Variants in RARS1 observed in about 807,000 individuals in gnomAD.
RARS1 encodes the protein arginyl-tRNA synthetase 1, also known as arginine--tRNA ligase, cytoplasmic.
In RARS1, 75 loss-of-function variants were observed where a neutral mutation model predicts 78.7. The ratio of observed to expected loss-of-function variants is 0.95; its 90% CI spans 0.79 to 1.15. RARS1 has a LOEUF of 1.15. Among genes scored for constraint, RARS1 ranks in the 50% most tolerant of loss-of-function variants. RARS1 has a pLI of 0.00. For missense variants in RARS1, 787 were observed against 787.5 expected (o/e 1.00, Z 0.01); for synonymous variants, 273 against 268.2 (o/e 1.02, Z -0.18).
intron 11 of RARS1, among the ~76,000 whole-genome samples, chr5:168,509,218 A>C (rs1282694245): frequency 6.6e-6 from 1 of 152,202 alleles, no homozygotes; most frequent in African/African-American, 2.4e-5. Context: ...AACACTTAAG[A>C]AGAAGTGTAT....
At chr5:168,499,743 A>G (rs1440370644) in intron 7 of RARS1, among the ~76,000 whole-genome samples, 1 of 152,164 alleles carries the variant, frequency 6.6e-6, no homozygotes, top group Non-Finnish European at 1.5e-5. Context: ...TTCATAAAAC[A>G]TATATGTGTA....
chr5:168,495,374 G>T lies in RARS1; in HGVS notation c.639G>T (p.Arg213Ser). Reference sequence around the variant, plus strand: ...AAGAGATGCATGTAGGCCACCTGAGGTCAACTATCATAGGAGAGAGTATAA... The same window carrying T: ...AAGAGATGCATGTAGGCCACCTGAGTTCAACTATCATAGGAGAGAGTATAA... ...IAKEMHVGHLRSTIIGESISR... is the reference protein window; with the variant it reads ...IAKEMHVGHLSSTIIGESISR... Residue 213 changes from arginine (R) to serine (S), a missense_variant, in exon 6 of 15, where the codon AGG becomes AGT. Transcript: ENST00000231572. 6.2e-7 allele frequency: 1 copy of T among 1,614,026 alleles called. No homozygotes were observed. The highest frequency in any genetic ancestry group is 8.5e-7 in the Non-Finnish European group (1 of 1,179,958).
rs374283080 is a variant in RARS1, at chr5:168,494,668, T to C, written c.579+18T>C. 2 of 1,459,328 alleles carry C rather than the reference T, an allele frequency of 1.4e-6. No individual in the cohort carries two copies. Among genetic ancestry groups the C allele is most frequent in the African/African-American group, 1.4e-5 (1 of 71,584 alleles). The allele number at this position is 1,459,328 out of a possible 1,614,324, so 90.4% of individuals were successfully genotyped here. ...ATAAAAAGGTATATGTACACTCTTC[T>C]ATTAATATATTAGTATCTTAGAACT... On this transcript the variant is annotated intron_variant, in intron 5 of 14. Transcript: ENST00000231572.
At position 168,517,855 on chromosome 5, in the gene RARS1, CA is replaced by C; in HGVS notation, c.1671del (p.Ala558LeufsTer17). On this transcript the variant is annotated frameshift_variant, in exon 14 of 15. Coordinates refer to ENST00000231572, the MANE Select transcript of RARS1 (RefSeq NM_002887.4). LOFTEE classifies it high-confidence loss of function. ...GGCCAATATTGATGAAGAAATGCTC[CA>C]AAAAGCTGCTCGAGAAACCAAGATT... ...RLANIDEEML[Q>X]KAARETKILL... 1 of 1,613,554 alleles carries C rather than the reference CA, an allele frequency of 6.2e-7. No homozygotes were observed. Among genetic ancestry groups the C allele is most frequent in the East Asian group, 2.2e-5 (1 of 44,836 alleles).
chr5:168,517,588 A>T (rs1362248914), intron 13 of RARS1, among the ~76,000 whole-genome samples: 2 of 152,202 alleles, frequency 1.3e-5, no homozygotes, highest in Non-Finnish European at 2.9e-5. Context: ...ATGTTTAAAT[A>T]CCTAGAAAGT....
Position 168,510,626 on chromosome 5 carries a change from TC to T in RARS1, c.1393del (p.Leu465PhefsTer6), listed in dbSNP as rs1257636782. ...RSGETVRLMD[L>X]LGEGLKRSMD... ...CGGGTGAAACAGTGCGCCTCATGGA[TC>T]TTCTGGGAGAAGGACTAAAACGATC... On this transcript the variant is annotated frameshift_variant, in exon 12 of 15. Transcript: ENST00000231572. LOFTEE classifies it high-confidence loss of function. The T allele has an allele frequency of 6.2e-7, 1 of 1,611,098 alleles. No homozygotes were observed. Among genetic ancestry groups the T allele is most frequent in the Non-Finnish European group, 8.5e-7 (1 of 1,179,318 alleles).
Position 168,502,151 on chromosome 5 carries a change from T to G in RARS1, c.1057+46T>G, listed in dbSNP as rs554197077. 65 of 1,567,904 alleles carry G rather than the reference T, an allele frequency of 4.1e-5. 2 individuals carry two copies. In the South Asian group the frequency reaches 7.0e-4, roughly 17 times the overall value. ...TTTTTATTATGGAAATTTTCAAACATAGGCAAAAGTGGATAGAATTTATAG... is the reference window on the plus strand; with the variant it reads ...TTTTTATTATGGAAATTTTCAAACAGAGGCAAAAGTGGATAGAATTTATAG... On this transcript the variant is annotated intron_variant, in intron 9 of 14. Transcript: ENST00000231572.
intron 5 of RARS1, chr5:168,494,896 T>C: frequency 2.5e-6 from 1 of 403,402 alleles, no homozygotes. Context: ...TGGAAAGTGC[T>C]GAAACCGGGA....
At chr5:168,494,428 A>G (rs1236789393) in intron 4 of RARS1, 122 bp from the exon 5 acceptor site, 9 of 1,498,896 alleles carry the variant, frequency 6.0e-6, no homozygotes, top group African/African-American at 5.6e-5. Flanking sequence ...CAAGGCCACA[A>G]CTGGTATTGG....
intron 5 of RARS1, 191 bp downstream of exon 5, chr5:168,494,841 TC>T: frequency 2.1e-6 from 1 of 479,812 alleles, no homozygotes; most frequent in Non-Finnish European, 3.6e-6. Context: ...CTGGGCAGTA[TC>T]ATGAGACTTC....
chr5:168,494,495 G>A (rs1044443201), intron 4 of RARS1, 55 bp from the exon 5 acceptor site: 68 of 1,597,308 alleles, frequency 4.3e-5, no homozygotes, highest in South Asian at 5.6e-5. Context: ...CCTTAGGAGC[G>A]AGTGATTATT....
At chr5:168,501,257 G>A (rs1163365726) in intron 8 of RARS1, among the ~76,000 whole-genome samples, 1 of 152,124 alleles carries the variant, frequency 6.6e-6, no homozygotes, top group Non-Finnish European at 1.5e-5. Flanking sequence ...GCAGCACTAG[G>A]TAATAAAATG....
Position 168,492,737 on chromosome 5 carries a change from G to A in RARS1, c.259G>A (p.Ala87Thr). The change falls in exon 3 of 15, where the codon GCA (alanine) becomes ACA (threonine). Residue 87 changes from alanine to threonine, a missense_variant. Physicochemically the swap from Ala to Thr is moderately conservative, Grantham distance 58. Transcript: ENST00000231572. Reference sequence around the variant, plus strand: ...CCGCCTACAAGAGGTCTTTGGTCATGCAATTAAGGCTGCATATCCAGATTT... The same window carrying A: ...CCGCCTACAAGAGGTCTTTGGTCATACAATTAAGGCTGCATATCCAGATTT... ...ISRLQEVFGH[A>T]IKAAYPDLEN... 1 of 1,613,128 alleles carries A rather than the reference G, an allele frequency of 6.2e-7. No individual in the cohort carries two copies.
chr5:168,510,203 A>C (rs1450438204), intron 11 of RARS1, among the ~76,000 whole-genome samples: 1 of 152,228 alleles, frequency 6.6e-6, no homozygotes. Flanking sequence ...TGAAACATCT[A>C]AGCCAAACTT....
chr5:168,496,295 C>T (rs1188721859), intron 6 of RARS1, among the ~76,000 whole-genome samples: 1 of 150,012 alleles, frequency 6.7e-6, no homozygotes, highest in East Asian at 2.1e-4. Context: ...AGGAGAATTG[C>T]TTGAACCTGG....
intron 12 of RARS1, among the ~76,000 whole-genome samples, chr5:168,513,312 G>A (rs775099890): frequency 8.2e-5 from 12 of 146,526 alleles, no homozygotes; most frequent in Admixed American, 2.1e-4. Context: ...CCCTGCCACC[G>A]TGCCCGGCCT....
intron 11 of RARS1, among the ~76,000 whole-genome samples, chr5:168,508,075 A>T (rs1193612756): frequency 6.6e-6 from 1 of 152,172 alleles, no homozygotes; most frequent in Non-Finnish European, 1.5e-5. Flanking sequence ...TATAGTGTTT[A>T]TGGACATAAA....
At chr5:168,517,721 C>G (rs1758700252) in intron 13 of RARS1, 94 bp from the exon 14 acceptor site, 15 of 1,385,934 alleles carry the variant, frequency 1.1e-5, no homozygotes, top group South Asian at 8.8e-5. Context: ...ATAGGAACTT[C>G]TTTTTAATCG....
At position 168,518,590 on chromosome 5, in the gene RARS1, A is replaced by G. The variant is rs112866258; in HGVS notation, c.1874-491A>G. Among the ~76,000 whole-genome samples, 432 of 152,244 alleles carry G rather than the reference A, an allele frequency of 2.8e-3. 2 individuals carry two copies. Among genetic ancestry groups the G allele is most frequent in the African/African-American group, 9.3e-3 (386 of 41,552 alleles). On this transcript the variant is annotated intron_variant, in intron 14 of 14. Transcript: ENST00000231572. The stretch of plus-strand genomic sequence containing the variant: ...GGAGGAATCTTTGGGTGTTTTTGAT[A>G]ATGGAAACTTCTTGGAAAACACTTG...
Sources: gnomAD v4.1 joint callset for allele counts (sites outside exome capture counted in the v4.1 genomes callset) on GRCh38, gnomAD v4.1.1 for gene constraint, MANE v1.5 for transcripts, NCBI Gene and HGNC (gene_info 2026-07-23, HGNC 2026-07-21) for gene names.